The following GNAQ variants were observed in gnomAD, a reference collection of about 807,000 sequenced individuals.
GNAQ encodes the protein G protein subunit alpha q.
GNAQ carries 8 observed loss-of-function variants against 43.9 expected under a neutral mutation model. The observed-to-expected ratio is 0.18, with a 90% CI of 0.11 to 0.33. The LOEUF (loss-of-function observed/expected upper bound fraction) is 0.33. Ranked by LOEUF, GNAQ falls within the 10% of genes least tolerant of loss-of-function variation. The pLI, the probability that GNAQ is intolerant of heterozygous loss-of-function variation, is 1.00. For missense variants in GNAQ, 158 were observed against 450.8 expected (o/e 0.35, Z 5.88); for synonymous variants, 155 against 170.7 (o/e 0.91, Z 0.71).
chr9:78,028,218 A>C (rs1235966343), intron 1 of GNAQ, among the ~76,000 whole-genome samples: 1 of 152,234 alleles, frequency 6.6e-6, no homozygotes, highest in Non-Finnish European at 1.5e-5. Context: ...TCAAAGAATG[A>C]ATAAGTTAAA....
At chr9:77,953,028 C>T (rs1564161484) in intron 1 of GNAQ, among the ~76,000 whole-genome samples, 1 of 152,160 alleles carries the variant, frequency 6.6e-6, no homozygotes, top group Non-Finnish European at 1.5e-5. Context: ...TAAAATAATA[C>T]ACTCCAATAA....
chr9:78,030,887 C>CTGTG lies in GNAQ; in HGVS notation c.136+209_136+212dup, dbSNP rs35071779. 0.1 allele frequency among the ~76,000 whole-genome samples: 14,785 copies of CTGTG among 146,018 alleles called. 761 individuals carry two copies. The highest frequency in any genetic ancestry group is 0.1 in the Non-Finnish European group (6,864 of 66,368). ...ACCCCTGTGCTGCGTGTGTGTGTCG[C>CTGTG]TGTGTGTGTGTGTGTGTGTGTGTGT... On this transcript the variant is annotated intron_variant, in intron 1 of 6. Coordinates refer to ENST00000286548, the MANE Select transcript of GNAQ (RefSeq NM_002072.5).
intron 1 of GNAQ, among the ~76,000 whole-genome samples, chr9:78,008,490 C>A (rs759084978): frequency 2.0e-5 from 3 of 152,208 alleles, no homozygotes; most frequent in Admixed American, 6.5e-5. Context: ...CACCATCCAA[C>A]TGGAAAAACT....
At chr9:77,799,116 A>C (rs1183150) in intron 3 of GNAQ, among the ~76,000 whole-genome samples, 1 of 152,238 alleles carries the variant, frequency 6.6e-6, no homozygotes, top group Non-Finnish European at 1.5e-5. Context: ...ATTGAGTGGT[A>C]TCTTCATGAT....
chr9:77,864,703 C>A (rs1827920393), intron 2 of GNAQ, among the ~76,000 whole-genome samples: 1 of 152,142 alleles, frequency 6.6e-6, no homozygotes, highest in South Asian at 2.1e-4. Flanking sequence ...ACCAGTAAGA[C>A]CAGTTCATAC....
intron 5 of GNAQ, among the ~76,000 whole-genome samples, chr9:77,781,138 C>A (rs1212920490): frequency 6.6e-6 from 1 of 151,812 alleles, no homozygotes; most frequent in African/African-American, 2.4e-5. Flanking sequence ...GCTTTTGTTG[C>A]CTGTGGTTTT....
At chr9:77,977,048 A>T (rs1343025735) in intron 1 of GNAQ, among the ~76,000 whole-genome samples, 1 of 152,240 alleles carries the variant, frequency 6.6e-6, no homozygotes, top group East Asian at 1.9e-4. Context: ...AGGATTTCAC[A>T]CCTGCTGGGA....
At chr9:77,889,586 C>G (rs1392630333) in intron 2 of GNAQ, among the ~76,000 whole-genome samples, 1 of 152,074 alleles carries the variant, frequency 6.6e-6, no homozygotes, top group Non-Finnish European at 1.5e-5. Context: ...TTATTGGACA[C>G]ATGTTGATCC....
chr9:77,930,740 A>T (rs988561349), intron 1 of GNAQ, among the ~76,000 whole-genome samples: 1 of 152,136 alleles, frequency 6.6e-6, no homozygotes, highest in Admixed American at 6.5e-5. Flanking sequence ...CCTCAATAGG[A>T]AATTTTTTCA....
intron 5 of GNAQ, among the ~76,000 whole-genome samples, chr9:77,773,945 A>C (rs1368173513): frequency 6.6e-6 from 1 of 152,186 alleles, no homozygotes; most frequent in African/African-American, 2.4e-5. Context: ...CAAATGATTT[A>C]AAGTTTTATA....
intron 1 of GNAQ, among the ~76,000 whole-genome samples, chr9:78,023,255 A>AAC (rs1369670118): frequency 3.9e-5 from 6 of 152,196 alleles, no homozygotes; most frequent in Non-Finnish European, 8.8e-5. Context: ...TCATTGCCTA[A>AAC]ACACACACTC....
intron 2 of GNAQ, among the ~76,000 whole-genome samples, chr9:77,839,292 CTACTT>C (rs1340378073): frequency 1.3e-5 from 2 of 152,170 alleles, no homozygotes; most frequent in Admixed American, 1.3e-4. Flanking sequence ...CATTCAAAAA[CTACTT>C]TATTTCAGAC....
At chr9:77,949,218 C>G (rs563010925) in intron 1 of GNAQ, among the ~76,000 whole-genome samples, 1 of 152,220 alleles carries the variant, frequency 6.6e-6, no homozygotes, top group Non-Finnish European at 1.5e-5. Context: ...TGTAGAGCAA[C>G]AGCCACACAC....
chr9:77,858,560 C>A (rs1230438003), intron 2 of GNAQ, among the ~76,000 whole-genome samples: 1 of 152,108 alleles, frequency 6.6e-6, no homozygotes, highest in Non-Finnish European at 1.5e-5. Context: ...TCTCCAAAAG[C>A]CTACGTGTGG....
chr9:77,882,070 G>T (rs890226426), intron 2 of GNAQ, among the ~76,000 whole-genome samples: 4 of 152,120 alleles, frequency 2.6e-5, no homozygotes, highest in Non-Finnish European at 5.9e-5. Context: ...CCCAGAAGGC[G>T]GAAGTTGCAG....
intron 3 of GNAQ, among the ~76,000 whole-genome samples, chr9:77,805,323 C>T (rs141298492): frequency 1.1e-4 from 17 of 152,218 alleles, no homozygotes; most frequent in Non-Finnish European, 1.6e-4. Context: ...TTTCCTTTTT[C>T]CTTTTTGATA....
chr9:77,931,330 C>T (rs188782706), intron 1 of GNAQ, among the ~76,000 whole-genome samples: 19 of 152,130 alleles, frequency 1.2e-4, no homozygotes, highest in Middle Eastern at 3.4e-3. Context: ...CGGTGGCTCA[C>T]GCCTATAATC....
At chr9:77,918,162 C>A (rs1415429397) in intron 2 of GNAQ, among the ~76,000 whole-genome samples, 1 of 152,102 alleles carries the variant, frequency 6.6e-6, no homozygotes, top group East Asian at 1.9e-4. Flanking sequence ...GAACACTTTC[C>A]CAGTTCAGAA....
At chr9:77,721,540 C>G (rs1459702886) in intron 6 of GNAQ, 27 bp from the exon 7 acceptor site, 3 of 1,356,280 alleles carry the variant, frequency 2.2e-6, no homozygotes, top group Non-Finnish European at 3.1e-6. Flanking sequence ...AAGAGGGACA[C>G]TTTGTTACCT....
Sources: gnomAD v4.1 joint callset for allele counts (sites outside exome capture counted in the v4.1 genomes callset) on GRCh38, gnomAD v4.1.1 for gene constraint, MANE v1.5 for transcripts, NCBI Gene and HGNC (gene_info 2026-07-23, HGNC 2026-07-21) for gene names.